Variants in TBC1D23 observed in about 807,000 individuals in gnomAD.
The protein encoded by TBC1D23 is TBC1 domain family member 23.
A neutral mutation model predicts 91.4 loss-of-function variants in TBC1D23; 55 were observed. The ratio of observed to expected loss-of-function variants is 0.60; its 90% CI spans 0.48 to 0.75. The LOEUF is 0.75. Ranked by LOEUF, TBC1D23 falls within the 30% of genes least tolerant of loss-of-function variation. The probability of loss-of-function intolerance (pLI) is 0.00; values close to 1 mark genes in which losing one functional copy is unlikely to be tolerated. For missense variants in TBC1D23, 725 were observed against 836.1 expected (o/e 0.87, Z 1.64); for synonymous variants, 289 against 281.0 (o/e 1.03, Z -0.28).
rs147051535 is a variant in TBC1D23, at chr3:100,296,060, G to C, written c.773-112G>C. The C allele has an allele frequency of 5.3e-3, 2,845 of 538,432 alleles. 12 individuals carry two copies. The highest frequency in any genetic ancestry group is 7.3e-3 in the Middle Eastern group (14 of 1,930). The allele number at this position is 538,432 out of a possible 1,614,324, so 33.4% of individuals were successfully genotyped here. On this transcript the variant is annotated intron_variant, in intron 7 of 18. Transcript: ENST00000394144. ...TCCACAAGTCATTGTAAAAGCACCAGTGTTGAGACTCCATTTGCATAGTAT... is the reference window on the plus strand; with the variant it reads ...TCCACAAGTCATTGTAAAAGCACCACTGTTGAGACTCCATTTGCATAGTAT...
intron 10 of TBC1D23, among the ~76,000 whole-genome samples, chr3:100,301,131 G>A (rs1705419350): frequency 6.6e-6 from 1 of 152,094 alleles, no homozygotes; most frequent in Non-Finnish European, 1.5e-5. Context: ...TTGATGAGGT[G>A]TGTGGATATA....
intron 18 of TBC1D23, among the ~76,000 whole-genome samples, chr3:100,321,550 A>G (rs1705858334): frequency 6.6e-6 from 1 of 152,214 alleles, no homozygotes; most frequent in Non-Finnish European, 1.5e-5. Context: ...TTTGTGACAG[A>G]ACCAAATATA....
intron 8 of TBC1D23, among the ~76,000 whole-genome samples, chr3:100,297,322 A>C (rs1277863962): frequency 6.6e-6 from 1 of 152,182 alleles, no homozygotes; most frequent in Non-Finnish European, 1.5e-5. Context: ...TTCCCTCAAA[A>C]ATAACTAATT....
chr3:100,306,413 C>A (rs368080189), intron 12 of TBC1D23, 24 bp from the exon 13 acceptor site: 2 of 1,276,266 alleles, frequency 1.6e-6, no homozygotes, highest in African/African-American at 3.0e-5. Context: ...TTAGGTTTTT[C>A]TTTTTTTTTT....
At chr3:100,310,293 A>T in intron 13 of TBC1D23, 110 bp from the exon 14 acceptor site, 5 of 956,788 alleles carry the variant, frequency 5.2e-6, no homozygotes, top group Non-Finnish European at 7.9e-6. Flanking sequence ...GGACTTCAAC[A>T]TATGATTTTG....
intron 1 of TBC1D23, among the ~76,000 whole-genome samples, chr3:100,267,977 C>T (rs1393794172): frequency 6.6e-6 from 1 of 152,070 alleles, no homozygotes; most frequent in South Asian, 2.1e-4. Context: ...TCGAGACCAT[C>T]CTGGGCAACA....
intron 10 of TBC1D23, 129 bp from the exon 11 acceptor site, chr3:100,301,938 C>G (rs1291019771): frequency 1.6e-6 from 1 of 628,596 alleles, no homozygotes; most frequent in Non-Finnish European, 2.7e-6. Flanking sequence ...TTTATAAGAG[C>G]CTTTTTTTCC....
chr3:100,295,093 A>G lies in TBC1D23; in HGVS notation c.607A>G (p.Ser203Gly). The change falls in exon 6 of 19, where the codon AGT becomes GGT. Residue 203 changes from serine (S) to glycine (G), a missense_variant. Coordinates refer to ENST00000394144, the MANE Select transcript of TBC1D23 (RefSeq NM_001199198.3). ...TTTCATTTCCTGATTACAGCTTGGA[A>G]GTCTTTTTGCATGTTACTGTTCCAC... ...PDSYALNWLGSLFACYCSTEV... is the reference protein window; with the variant it reads ...PDSYALNWLGGLFACYCSTEV... 1 of 1,583,622 alleles carries G rather than the reference A, an allele frequency of 6.3e-7. No individual in the cohort carries two copies. The highest frequency in any genetic ancestry group is 1.9e-5 in the Admixed American group (1 of 51,754).
intron 1 of TBC1D23, among the ~76,000 whole-genome samples, chr3:100,267,585 G>A (rs2067567223): frequency 6.6e-6 from 1 of 152,102 alleles, no homozygotes; most frequent in African/African-American, 2.4e-5. Flanking sequence ...TTTCAGCAAG[G>A]AGATATACAG....
chr3:100,301,261 A>T (rs1271139010), intron 10 of TBC1D23, among the ~76,000 whole-genome samples: 1 of 127,702 alleles, frequency 7.8e-6, no homozygotes, highest in African/African-American at 3.2e-5. Flanking sequence ...TGACAGAGGG[A>T]GATTCCGTCT....
chr3:100,281,038 T>C (rs1385794236), intron 2 of TBC1D23, among the ~76,000 whole-genome samples: 1 of 152,082 alleles, frequency 6.6e-6, no homozygotes, highest in Non-Finnish European at 1.5e-5. Flanking sequence ...TGGGTGCCTG[T>C]AGTATCAGCT....
chr3:100,285,535 G>A (rs1576166831), intron 4 of TBC1D23, among the ~76,000 whole-genome samples: 1 of 152,264 alleles, frequency 6.6e-6, no homozygotes, highest in South Asian at 2.1e-4. Context: ...GTATGAAGCT[G>A]TGAACGTTCA....
chr3:100,288,954 C>T (rs192689637), intron 4 of TBC1D23, among the ~76,000 whole-genome samples: 1 of 152,260 alleles, frequency 6.6e-6, no homozygotes. Context: ...TGGCTCATGC[C>T]TGTAATCCCA....
chr3:100,311,465 A>C (rs1402841078), intron 14 of TBC1D23, among the ~76,000 whole-genome samples: 1 of 152,236 alleles, frequency 6.6e-6, no homozygotes, highest in Non-Finnish European at 1.5e-5. Flanking sequence ...GTGTTTTATC[A>C]AGCCTGAAAG....
chr3:100,320,986 A>G lies in TBC1D23; in HGVS notation c.2018+15A>G. On this transcript the variant is annotated intron_variant, in intron 18 of 18. Coordinates refer to ENST00000394144, the MANE Select transcript of TBC1D23 (RefSeq NM_001199198.3). ...GCAATCGAAAGGTAAGATTTTCCTT[A>G]AGATAATATTATCTGAATTCAGATA... The G allele has an allele frequency of 6.5e-7, 1 of 1,548,638 alleles. No individual in the cohort carries two copies. The highest frequency in any genetic ancestry group is 8.8e-7 in the Non-Finnish European group (1 of 1,137,562).
At chr3:100,277,401 A>G (rs1276489342) in intron 1 of TBC1D23, among the ~76,000 whole-genome samples, 1 of 152,202 alleles carries the variant, frequency 6.6e-6, no homozygotes, top group Non-Finnish European at 1.5e-5. Flanking sequence ...TCTTCAAAGG[A>G]GCCCTTGCTC....
intron 17 of TBC1D23, among the ~76,000 whole-genome samples, chr3:100,320,363 G>A (rs1473195711): frequency 6.6e-6 from 1 of 152,126 alleles, no homozygotes; most frequent in Non-Finnish European, 1.5e-5. Flanking sequence ...AATATGTAGG[G>A]AAACCCAACA....
intron 1 of TBC1D23, among the ~76,000 whole-genome samples, chr3:100,261,858 A>G (rs1202173598): frequency 6.6e-6 from 1 of 152,228 alleles, no homozygotes; most frequent in African/African-American, 2.4e-5. Flanking sequence ...GTTGTACAAC[A>G]TCATTTTTTA....
chr3:100,315,689 C>T (rs913306630), intron 15 of TBC1D23, among the ~76,000 whole-genome samples: 12 of 152,128 alleles, frequency 7.9e-5, no homozygotes, highest in African/African-American at 2.9e-4. Flanking sequence ...AATAGTTTTA[C>T]AATAAAATTG....
Sources: allele counts gnomAD v4.1 joint callset (sites outside exome capture counted in the v4.1 genomes callset), GRCh38; gene constraint gnomAD v4.1.1; transcripts MANE v1.5; gene names NCBI Gene and HGNC (gene_info 2026-07-23, HGNC 2026-07-21).